The following ZNF730 variants were observed in gnomAD, a reference collection of about 807,000 sequenced individuals.
ZNF730 encodes putative zinc finger protein 730.
A neutral mutation model predicts 12.6 loss-of-function variants in ZNF730; 12 were observed. That is an observed-to-expected ratio of 0.95 (90% CI 0.61 to 1.54). The LOEUF is 1.54. ZNF730 is among the 40% of genes most tolerant of loss of function. The probability of loss-of-function intolerance (pLI) is 0.00; values close to 1 mark genes in which losing one functional copy is unlikely to be tolerated. For synonymous variants in ZNF730, 194 were observed against 195.8 expected, an observed-to-expected ratio of 0.99 and a Z score of 0.08; for missense variants, 643 against 583.5, an observed-to-expected ratio of 1.10 and a Z score of -1.05.
chr19:23,105,186 C>T (rs371563553), intron 1 of ZNF730, among the ~76,000 whole-genome samples: 17 of 150,218 alleles, frequency 1.1e-4, no homozygotes, highest in East Asian at 7.9e-4. Context: ...GGCACAATCT[C>T]GGCTCACTGC....
At chr19:23,083,269 C>CA (rs1333829634) in intron 1 of ZNF730, among the ~76,000 whole-genome samples, 2 of 151,674 alleles carry the variant, frequency 1.3e-5, no homozygotes, top group African/African-American at 4.8e-5. Context: ...ACTGAAAATA[C>CA]AAAAATTAGC....
intron 1 of ZNF730, among the ~76,000 whole-genome samples, chr19:23,084,015 T>A (rs1253947718): frequency 6.6e-6 from 1 of 152,174 alleles, no homozygotes; most frequent in Admixed American, 6.5e-5. Context: ...TTTAAAACAT[T>A]TTTTCTATGT....
chr19:23,077,202 C>CA (rs1969877616), intron 1 of ZNF730, among the ~76,000 whole-genome samples: 1 of 151,604 alleles, frequency 6.6e-6, no homozygotes, highest in African/African-American at 2.4e-5. Flanking sequence ...GGGAGAGGAA[C>CA]AAAAAAAGTA....
chr19:23,094,424 T>C (rs1054896298), intron 1 of ZNF730, among the ~76,000 whole-genome samples: 1 of 151,332 alleles, frequency 6.6e-6, no homozygotes, highest in Admixed American at 6.6e-5. Context: ...GGGCACTCTA[T>C]AGATAGGTAG....
At chr19:23,091,823 A>G (rs1460636799) in intron 1 of ZNF730, among the ~76,000 whole-genome samples, 1 of 152,122 alleles carries the variant, frequency 6.6e-6, no homozygotes, top group Admixed American at 6.6e-5. Context: ...CTTGTCTCAG[A>G]TGAGACTTTG....
chr19:23,098,961 AT>A, intron 1 of ZNF730, among the ~76,000 whole-genome samples: 1 of 152,328 alleles, frequency 6.6e-6, no homozygotes, highest in East Asian at 1.9e-4. Context: ...GTTATAGAGA[AT>A]TAATACTCTC....
At chr19:23,076,547 G>C (rs1969864991) in intron 1 of ZNF730, among the ~76,000 whole-genome samples, 1 of 152,080 alleles carries the variant, frequency 6.6e-6, no homozygotes, top group Non-Finnish European at 1.5e-5. Flanking sequence ...CATATCTCTT[G>C]GAGTGTCTAA....
intron 1 of ZNF730, among the ~76,000 whole-genome samples, chr19:23,124,318 G>T (rs1970636764): frequency 6.6e-6 from 1 of 152,160 alleles, no homozygotes; most frequent in Admixed American, 6.5e-5. Flanking sequence ...AAGCATCTTA[G>T]GAGTGAAAGA....
chr19:23,116,348 T>TC (rs1286239154), upstream of ZNF730, among the ~76,000 whole-genome samples: 125 of 130,608 alleles, frequency 9.6e-4, 2 homozygotes, highest in East Asian at 0.026. Flanking sequence ...TTTCTTTCCT[T>TC]ATTTCTTTTC....
chr19:23,114,681 A>C (rs1021720067), upstream of ZNF730, among the ~76,000 whole-genome samples: 3 of 152,010 alleles, frequency 2.0e-5, no homozygotes, highest in African/African-American at 7.2e-5. Flanking sequence ...GAAGTTTTCA[A>C]ATGTATTCTC....
intron 1 of ZNF730, among the ~76,000 whole-genome samples, chr19:23,108,950 A>G (rs912724909): frequency 7.9e-5 from 12 of 151,966 alleles, no homozygotes; most frequent in Admixed American, 5.2e-4. Context: ...GGGTTTTGCT[A>G]TGTTGGCCAG....
At chr19:23,090,278 C>G (rs1970134970) in intron 1 of ZNF730, among the ~76,000 whole-genome samples, 1 of 151,760 alleles carries the variant, frequency 6.6e-6, no homozygotes, top group Non-Finnish European at 1.5e-5. Flanking sequence ...CTGAGGTGGT[C>G]TCAGATGGAG....
chr19:23,114,174 C>T (rs887357053), upstream of ZNF730, among the ~76,000 whole-genome samples: 3 of 152,094 alleles, frequency 2.0e-5, no homozygotes, highest in Non-Finnish European at 4.4e-5. Context: ...AATCTTTCAC[C>T]ATCATGTTGC....
At chr19:23,114,303 TTC>T (rs1246967581), upstream of ZNF730, among the ~76,000 whole-genome samples, 23 of 49,754 alleles carry the variant, frequency 4.6e-4, no homozygotes, top group East Asian at 1.3e-3. Flanking sequence ...TCTTTTTCTT[TTC>T]TTTTTTTTTT....
intron 1 of ZNF730, among the ~76,000 whole-genome samples, chr19:23,099,725 T>G (rs1479793910): frequency 2.6e-5 from 4 of 152,196 alleles, no homozygotes; most frequent in African/African-American, 9.6e-5. Context: ...TTGACTCTCA[T>G]TCCTTGACTC....
At chr19:23,084,716 G>C (rs1747465363) in intron 1 of ZNF730, among the ~76,000 whole-genome samples, 1 of 152,100 alleles carries the variant, frequency 6.6e-6, no homozygotes, top group Non-Finnish European at 1.5e-5. Flanking sequence ...TGCAGTATTT[G>C]GTTTTCTATT....
At chr19:23,094,384 A>ATCTATCTG (rs1258310617) in intron 1 of ZNF730, among the ~76,000 whole-genome samples, 1 of 146,910 alleles carries the variant, frequency 6.8e-6, no homozygotes, top group Non-Finnish European at 1.5e-5. Context: ...CTATCTATCT[A>ATCTATCTG]TCTATCTGTC....
At chr19:23,114,067 C>T (rs989141366), upstream of ZNF730, among the ~76,000 whole-genome samples, 3 of 152,110 alleles carry the variant, frequency 2.0e-5, no homozygotes, top group African/African-American at 7.2e-5. Context: ...AATGTTCAAA[C>T]CATGTTTAAA....
chr19:23,098,599 A>G (rs1970290681), intron 1 of ZNF730, among the ~76,000 whole-genome samples: 1 of 152,174 alleles, frequency 6.6e-6, no homozygotes, highest in Non-Finnish European at 1.5e-5. Flanking sequence ...CTTACAGGAA[A>G]GATTGTGACA....
Sources: allele counts gnomAD v4.1 joint callset (sites outside exome capture counted in the v4.1 genomes callset), GRCh38; gene constraint gnomAD v4.1.1; transcripts MANE v1.5; gene names NCBI Gene and HGNC (gene_info 2026-07-23, HGNC 2026-07-21).